Variants in ECSCR observed in about 807,000 individuals in gnomAD.
ECSCR encodes endothelial cell surface expressed chemotaxis and apoptosis regulator.
A neutral mutation model predicts 16.7 loss-of-function variants in ECSCR; 12 were observed. That is an observed-to-expected ratio of 0.72 (90% CI 0.46 to 1.17). The LOEUF (loss-of-function observed/expected upper bound fraction) is 1.17, where lower values mean the gene tolerates loss of function less well. ECSCR is among the 50% of genes most tolerant of loss of function. ECSCR has a pLI of 0.00. For synonymous variants in ECSCR, 44 were observed against 42.2 expected, an observed-to-expected ratio of 1.04 and a Z score of -0.17; for missense variants, 122 against 116.1, an observed-to-expected ratio of 1.05 and a Z score of -0.23.
Position 139,448,669 on chromosome 5 carries a change from G to A in ECSCR, c.*231C>T, listed in dbSNP as rs1750961539. 2 of 1,323,854 alleles carry A rather than the reference G, an allele frequency of 1.5e-6. No homozygotes were observed. The highest frequency in any genetic ancestry group is 2.7e-5 in the East Asian group (1 of 37,454). The allele number at this position is 1,323,854 out of a possible 1,614,324, so 82.0% of individuals were successfully genotyped here. ...CTTTCCTGTGGCTCTGAGGAGGTGG[G>A]AGAAGCAGGCAGTATTTCCACAGCA... is the stretch of plus-strand genomic sequence containing the variant. On this transcript the variant is annotated 3_prime_UTR_variant, in exon 10 of 10. Transcript: ENST00000618155.
At chr5:139,454,778 G>C (rs1258153460) in intron 7 of ECSCR, 47 bp downstream of exon 7, 4 of 398,246 alleles carry the variant, frequency 1.0e-5, no homozygotes, top group African/African-American at 8.2e-5. Context: ...TCTAGCCCTG[G>C]GTCCGCCAGC....
intron 1 of ECSCR, among the ~76,000 whole-genome samples, chr5:139,461,199 C>T (rs74611756): frequency 2.2e-4 from 33 of 152,260 alleles, no homozygotes; most frequent in Non-Finnish European, 3.8e-4. Flanking sequence ...ATCAGTACCT[C>T]GCAAGTTGTT....
At chr5:139,462,453 AC>A (rs1280683595) in intron 1 of ECSCR, 156 bp downstream of exon 1, 2 of 230,216 alleles carry the variant, frequency 8.7e-6, no homozygotes, top group Non-Finnish European at 1.4e-5. Context: ...GGTAATCAGG[AC>A]CCCCCAATCC....
intron 1 of ECSCR, 142 bp from the exon 2 acceptor site, chr5:139,458,325 GTTTTT>G (rs777187520): frequency 7.3e-6 from 4 of 547,038 alleles, no homozygotes; most frequent in South Asian, 2.2e-5. Flanking sequence ...GTTTTGTTTT[GTTTTT>G]TTTTTTTTTT....
At chr5:139,457,973 GA>G (rs976701623) in intron 2 of ECSCR, 165 bp downstream of exon 2, 11 of 621,794 alleles carry the variant, frequency 1.8e-5, no homozygotes, top group Admixed American at 6.3e-5. Flanking sequence ...CAGCTAGGCT[GA>G]AAAAAAATCC....
At chr5:139,461,037 T>G (rs1422438382) in intron 1 of ECSCR, among the ~76,000 whole-genome samples, 1 of 152,108 alleles carries the variant, frequency 6.6e-6, no homozygotes, top group African/African-American at 2.4e-5. Flanking sequence ...GGTGTGTGCC[T>G]GTAGCCCCCA....
chr5:139,450,204 T>A (rs1224342908), intron 8 of ECSCR, among the ~76,000 whole-genome samples: 2 of 152,092 alleles, frequency 1.3e-5, no homozygotes, highest in Non-Finnish European at 2.9e-5. Flanking sequence ...AAAGCCTCAA[T>A]TTTTAAAATG....
intron 8 of ECSCR, among the ~76,000 whole-genome samples, chr5:139,451,702 G>A (rs893496588): frequency 2.8e-5 from 4 of 140,916 alleles, no homozygotes; most frequent in Non-Finnish European, 6.2e-5. Flanking sequence ...GTGGGTATGC[G>A]TGGTGTGTTT....
intron 8 of ECSCR, among the ~76,000 whole-genome samples, chr5:139,452,307 G>GCA (rs1751076942): frequency 9.4e-5 from 1 of 10,644 alleles, no homozygotes; most frequent in Non-Finnish European, 2.1e-4. Flanking sequence ...TTTGTGGTGT[G>GCA]TGTGTGTGTA....
chr5:139,456,697 C>T (rs1262522935), intron 4 of ECSCR, among the ~76,000 whole-genome samples, 179 bp from the exon 5 acceptor site: 1 of 152,188 alleles, frequency 6.6e-6, no homozygotes, highest in Non-Finnish European at 1.5e-5. Context: ...TCTGGGTATG[C>T]CTTTCTCAGT....
Position 139,457,413 on chromosome 5 carries a change from T to C in ECSCR, c.217+132A>G, listed in dbSNP as rs927362370. 4.9e-4 allele frequency: 356 copies of C among 723,774 alleles called. 4 individuals are homozygous for C. Among genetic ancestry groups the C allele is most frequent in the South Asian group, 4.8e-3 (324 of 67,350 alleles). The allele number at this position is 723,774 out of a possible 1,614,324, so 44.8% of individuals were successfully genotyped here. Reference sequence around the variant, plus strand: ...GCAGCCCTTCTCACCCTGCATGTCATCCTCAGTGTGAGGGTCTATTTCCTT... The same window carrying C: ...GCAGCCCTTCTCACCCTGCATGTCACCCTCAGTGTGAGGGTCTATTTCCTT... On this transcript the variant is annotated intron_variant, in intron 4 of 9. Coordinates refer to ENST00000618155, the MANE Select transcript of ECSCR (RefSeq NM_001077693.4).
intron 1 of ECSCR, among the ~76,000 whole-genome samples, chr5:139,458,882 G>C (rs896409473): frequency 6.6e-6 from 1 of 151,624 alleles, no homozygotes; most frequent in African/African-American, 2.4e-5. Flanking sequence ...AGAAAAAAAC[G>C]TTTTGGCTTT....
chr5:139,457,969 G>T, intron 2 of ECSCR, 162 bp from the exon 3 acceptor site: 2 of 614,628 alleles, frequency 3.3e-6, no homozygotes, highest in Non-Finnish European at 4.1e-6. Context: ...GACTCAGCTA[G>T]GCTGAAAAAA....
chr5:139,450,079 G>A (rs748903458), intron 8 of ECSCR, among the ~76,000 whole-genome samples: 4 of 151,994 alleles, frequency 2.6e-5, no homozygotes, highest in Non-Finnish European at 4.4e-5. Context: ...ATTTTTAGTA[G>A]AGACTGGGTT....
At chr5:139,456,409 A>T (rs1751159020) in intron 5 of ECSCR, 65 bp downstream of exon 5, 1 of 398,126 alleles carries the variant, frequency 2.5e-6, no homozygotes, top group East Asian at 3.6e-5. Flanking sequence ...AAGGGATAAG[A>T]CGAGAGAAAG....
intron 8 of ECSCR, among the ~76,000 whole-genome samples, chr5:139,451,813 GTAGGGTA>G (rs1309459704): frequency 1.3e-5 from 2 of 149,496 alleles, no homozygotes; most frequent in Non-Finnish European, 3.0e-5. Flanking sequence ...GGGTGGGTGT[GTAGGGTA>G]TAGGGTATGG....
In ECSCR at chr5:139,458,155, C is replaced by A; in HGVS notation, c.90G>T (p.Gln30His). 6.5e-7 allele frequency: 1 copy of A among 1,549,718 alleles called. No individual in the cohort carries two copies. Among genetic ancestry groups the A allele is most frequent in the Non-Finnish European group, 8.7e-7 (1 of 1,146,978 alleles). The stretch of plus-strand genomic sequence containing the variant: ...TGGTCTTACCCTGAGAGCTAGAGGT[C>A]TGGGTCATTGTGGGCTGGGAGTTGT... ...RGHNSQPTMT[Q>H]TSSSQGGLGG... is the part of the protein sequence containing the mutation. Residue 30 changes from glutamine to histidine, a missense_variant, in exon 2 of 10, where the codon CAG becomes CAT. By Grantham distance (24) the Gln-to-His change is conservative (BLOSUM62 0). Coordinates refer to ENST00000618155, the MANE Select transcript of ECSCR (RefSeq NM_001077693.4).
chr5:139,458,098 T>C (rs374475345), intron 2 of ECSCR, 41 bp downstream of exon 2: 6 of 1,539,886 alleles, frequency 3.9e-6, no homozygotes, highest in Non-Finnish European at 4.4e-6. Context: ...CCTAAGCTCC[T>C]AGGCCTACAC....
intron 8 of ECSCR, among the ~76,000 whole-genome samples, chr5:139,449,835 C>T (rs986746824): frequency 3.3e-5 from 5 of 152,014 alleles, no homozygotes; most frequent in African/African-American, 1.2e-4. Context: ...AATCTACCTG[C>T]CTCAGCGTCC....
Sources: gnomAD v4.1 joint callset for allele counts (sites outside exome capture counted in the v4.1 genomes callset) on GRCh38, gnomAD v4.1.1 for gene constraint, MANE v1.5 for transcripts, NCBI Gene and HGNC (gene_info 2026-07-23, HGNC 2026-07-21) for gene names.